The following RMND5A variants were observed in gnomAD, a reference collection of about 807,000 sequenced individuals.
The protein encoded by RMND5A is E3 ubiquitin-protein transferase RMND5A.
Under a neutral mutation model 49.7 loss-of-function variants are expected in RMND5A, and 17 were observed. The ratio of observed to expected loss-of-function variants is 0.34; its 90% CI spans 0.23 to 0.51. The LOEUF is 0.51. Among genes scored for constraint, RMND5A ranks in the 20% least tolerant of loss-of-function variants. The pLI is 0.96. For synonymous variants in RMND5A, 156 were observed against 167.7 expected, an observed-to-expected ratio of 0.93 and a Z score of 0.54; for missense variants, 255 against 471.3, an observed-to-expected ratio of 0.54 and a Z score of 4.25.
intron 4 of RMND5A, among the ~76,000 whole-genome samples, chr2:86,762,412 A>G (rs1298191470): frequency 6.6e-6 from 1 of 152,104 alleles, no homozygotes; most frequent in Non-Finnish European, 1.5e-5. Context: ...TGGGAGGCCA[A>G]GGTGGGTGGA....
chr2:86,749,509 G>A (rs1474050907), intron 2 of RMND5A, among the ~76,000 whole-genome samples: 1 of 151,726 alleles, frequency 6.6e-6, no homozygotes, highest in Non-Finnish European at 1.5e-5. Flanking sequence ...TCCTTCCTCA[G>A]CCTCCCAAGT....
At chr2:86,762,663 T>TA (rs1672514611) in intron 4 of RMND5A, among the ~76,000 whole-genome samples, 2 of 141,176 alleles carry the variant, frequency 1.4e-5, no homozygotes, top group Admixed American at 7.2e-5. Flanking sequence ...AAAATATTTT[T>TA]TTATATATAT....
intron 1 of RMND5A, 97 bp downstream of exon 1, chr2:86,720,906 G>A: frequency 8.1e-7 from 1 of 1,230,288 alleles, no homozygotes; most frequent in South Asian, 1.6e-5. Flanking sequence ...TCGCGCCTCT[G>A]GCCCGGCCCT....
chr2:86,754,361 G>A (rs1681692998), intron 4 of RMND5A, among the ~76,000 whole-genome samples: 1 of 152,200 alleles, frequency 6.6e-6, no homozygotes, highest in Non-Finnish European at 1.5e-5. Flanking sequence ...TAAAATAAAG[G>A]GAAGAAACTG....
intron 4 of RMND5A, among the ~76,000 whole-genome samples, chr2:86,760,860 G>C (rs6711696): frequency 0.7 from 106,286 of 151,630 alleles, 37,395 homozygotes; most frequent in East Asian, 0.91. Context: ...CTATAAAGAC[G>C]AGGGTAAAGT....
In RMND5A at chr2:86,773,463, T is replaced by G. The variant is rs754208531; in HGVS notation, c.*52T>G. ...AAGTGAAACTGAATCGTGGGTGCAT[T>G]TCAGAAGAGAACGTTCCATATAATG... On this transcript the variant is annotated 3_prime_UTR_variant, in exon 9 of 9. Coordinates refer to ENST00000283632, the MANE Select transcript of RMND5A (RefSeq NM_022780.4). The G allele has an allele frequency of 1.2e-5, 14 of 1,165,336 alleles. No individual in the cohort carries two copies. Among genetic ancestry groups the G allele is most frequent in the Non-Finnish European group, 1.6e-5 (12 of 772,344 alleles). The allele number at this position is 1,165,336 out of a possible 1,614,324, so 72.2% of individuals were successfully genotyped here. A position where few individuals can be genotyped will look rare whatever the true frequency, so the allele number is the denominator to read the frequency against.
chr2:86,777,877 A>G lies in RMND5A; in HGVS notation c.*4466A>G, dbSNP rs1439401658. The G allele has an allele frequency of 1.3e-5, 2 of 152,218 alleles. No homozygotes were observed. The highest frequency in any genetic ancestry group is 2.9e-5 in the Non-Finnish European group (2 of 68,032). 9.4% of individuals were successfully genotyped at this position (152,218 alleles called of 1,614,324 possible). ...CCAGTAGTTTCAGGGAATTCATTTT[A>G]ACTTTAAGAATTCTGATATATTTAA... On this transcript the variant is annotated 3_prime_UTR_variant, in exon 9 of 9. Coordinates refer to ENST00000283632, the MANE Select transcript of RMND5A (RefSeq NM_022780.4).
Position 86,776,780 on chromosome 2 carries a change from C to A in RMND5A, c.*3369C>A, listed in dbSNP as rs539653200. The A allele has an allele frequency of 1.3e-5, 2 of 152,330 alleles. No homozygotes were observed. Among genetic ancestry groups the A allele is most frequent in the South Asian group, 4.1e-4 (2 of 4,826 alleles). 9.4% of individuals were successfully genotyped at this position (152,330 alleles called of 1,614,324 possible). A position where few individuals can be genotyped will look rare whatever the true frequency, so the allele number is the denominator to read the frequency against. On this transcript the variant is annotated 3_prime_UTR_variant, in exon 9 of 9. Transcript: ENST00000283632. ...CATGGAGGCATAGTTTGGTTAGTTTCATCACTAGGATGTATAAGGTGACGA... is the reference window on the plus strand; with the variant it reads ...CATGGAGGCATAGTTTGGTTAGTTTAATCACTAGGATGTATAAGGTGACGA...
intron 3 of RMND5A, among the ~76,000 whole-genome samples, chr2:86,752,942 T>C (rs558450442): frequency 6.6e-6 from 1 of 152,356 alleles, no homozygotes; most frequent in African/African-American, 2.4e-5. Flanking sequence ...TAAACTGTCA[T>C]TGAGGATTGT....
intron 4 of RMND5A, among the ~76,000 whole-genome samples, chr2:86,758,691 C>T (rs530246059): frequency 2.3e-4 from 35 of 152,190 alleles, no homozygotes; most frequent in Non-Finnish European, 4.3e-4. Flanking sequence ...AGGACAGAGA[C>T]TCACACCAAC....
rs909518666 is a variant in RMND5A at position 86,777,117 on chromosome 2, C to A, written c.*3706C>A. 7.2e-5 allele frequency: 11 copies of A among 152,168 alleles called. 1 individual carries two copies. The highest frequency in any genetic ancestry group is 6.5e-4 in the Admixed American group (10 of 15,284). 9.4% of individuals were successfully genotyped at this position (152,168 alleles called of 1,614,324 possible). A position where few individuals can be genotyped will look rare whatever the true frequency, so the allele number is the denominator to read the frequency against. ...CTGTTGATTTTACTTCAAGACATAG[C>A]AAGAGAAACAAAATTTTGTTTTCAA... On this transcript the variant is annotated 3_prime_UTR_variant, in exon 9 of 9. Transcript: ENST00000283632.
chr2:86,765,152 A>G lies in RMND5A; in HGVS notation c.647A>G (p.Tyr216Cys). 1.2e-6 allele frequency: 2 copies of G among 1,613,432 alleles called. No individual in the cohort carries two copies. Among genetic ancestry groups the G allele is most frequent in the Non-Finnish European group, 1.7e-6 (2 of 1,179,846 alleles). Reference protein sequence around the residue: ...GTTNQREALQYAKNFQPFALN... With the variant: ...GTTNQREALQCAKNFQPFALN... ...ACAAATCAGCGAGAGGCATTACAAT[A>G]TGCTAAAAATTTTCAGCCATTTGCC... Residue 216 changes from tyrosine (Y) to cysteine (C), a missense_variant, in exon 5 of 9, where the codon TAT becomes TGT. Tyr to Cys is a radical substitution (Grantham distance 194, BLOSUM62 -2). Around this residue, in one of 3 missense-constraint regions of RMND5A, gnomAD observed 208 missense variants for 339.8 expected, o/e 0.61. Coordinates refer to ENST00000283632, the MANE Select transcript of RMND5A (RefSeq NM_022780.4).
chr2:86,729,376 A>G (rs1319584310), intron 1 of RMND5A, among the ~76,000 whole-genome samples: 1 of 151,410 alleles, frequency 6.6e-6, no homozygotes, highest in African/African-American at 2.4e-5. Flanking sequence ...TCACCTCATC[A>G]GTAGTTATTA....
chr2:86,757,383 C>G (rs1338480074), intron 4 of RMND5A, among the ~76,000 whole-genome samples: 2 of 151,992 alleles, frequency 1.3e-5, no homozygotes, highest in Non-Finnish European at 2.9e-5. Context: ...TTCTTTTATG[C>G]TCACCCAGAT....
At chr2:86,748,523 AGT>A (rs1681578153) in intron 2 of RMND5A, 1 of 152,240 alleles carries the variant, frequency 6.6e-6, no homozygotes, top group Non-Finnish European at 1.5e-5. Flanking sequence ...TTACCTATGT[AGT>A]AGTGACCATA....
Position 86,751,821 on chromosome 2 carries a change from C to A in RMND5A, c.286-75C>A, listed in dbSNP as rs552807207. ...CTTATTGGGGTATCTCAGACTGAAA[C>A]AAAGACCATTTTTTTCCTGTTAAGT... On this transcript the variant is annotated intron_variant, in intron 2 of 8. Coordinates refer to ENST00000283632, the MANE Select transcript of RMND5A (RefSeq NM_022780.4). 8.9e-5 allele frequency: 130 copies of A among 1,463,212 alleles called. 2 individuals are homozygous for A. In the South Asian group the frequency reaches 1.7e-3, roughly 19 times the overall value. 90.6% of individuals were successfully genotyped at this position (1,463,212 alleles called of 1,614,324 possible).
In RMND5A at chr2:86,776,024, G is replaced by A. The variant is rs1253115150; in HGVS notation, c.*2613G>A. On this transcript the variant is annotated 3_prime_UTR_variant, in exon 9 of 9. Transcript: ENST00000283632. ...TATAACAGTCACATTTAATTATAAT[G>A]TACATCAAAGGCAGAATTTCAGAAT... is the stretch of plus-strand genomic sequence containing the variant. 1 of 152,180 alleles carries A rather than the reference G, an allele frequency of 6.6e-6. No homozygotes were observed. The highest frequency in any genetic ancestry group is 1.5e-5 in the Non-Finnish European group (1 of 68,038). The allele number at this position is 152,180 out of a possible 1,614,324, so 9.4% of individuals were successfully genotyped here. A position where few individuals can be genotyped will look rare whatever the true frequency, so the allele number is the denominator to read the frequency against.
chr2:86,760,088 A>G (rs896451091), intron 4 of RMND5A, among the ~76,000 whole-genome samples: 2 of 151,450 alleles, frequency 1.3e-5, no homozygotes, highest in Admixed American at 6.6e-5. Context: ...CTTGTTGCCC[A>G]GGCTGGAGTG....
At chr2:86,754,773 C>T (rs1681701116) in intron 4 of RMND5A, among the ~76,000 whole-genome samples, 1 of 152,072 alleles carries the variant, frequency 6.6e-6, no homozygotes, top group Non-Finnish European at 1.5e-5. Flanking sequence ...GTTACCCAGG[C>T]TGGTTTCGAA....
Sources: gnomAD v4.1 joint callset for allele counts (sites outside exome capture counted in the v4.1 genomes callset) on GRCh38, gnomAD v4.1.1 for gene constraint, gnomAD v4.1.1 regional missense constraint, MANE v1.5 for transcripts, NCBI Gene and HGNC (gene_info 2026-07-23, HGNC 2026-07-21) for gene names.